Variants in FBL observed in about 807,000 individuals in gnomAD.
The protein encoded by FBL is rRNA 2'-O-methyltransferase fibrillarin.
FBL carries 10 observed loss-of-function variants against 42.2 expected under a neutral mutation model. The ratio of observed to expected loss-of-function variants is 0.24; its 90% CI spans 0.15 to 0.40. FBL has a LOEUF of 0.40. Ranked by LOEUF, FBL falls within the 10% of genes least tolerant of loss-of-function variation. The pLI is 1.00. For missense variants in FBL, 351 were observed against 439.2 expected (o/e 0.80, Z 1.79); for synonymous variants, 165 against 165.4 (o/e 1.00, Z 0.02).
rs145574524 is a variant in FBL at position 39,839,210 on chromosome 19, A to G, written c.379-5T>C. On this transcript the variant is annotated splice_polypyrimidine_tract_variant and splice_region_variant and intron_variant, in intron 4 of 8. Transcript: ENST00000221801. Reference sequence around the variant, plus strand: ...CTCAATTTTGTCATCTCCTTCCTAGATGAGAGATGGGGACAGAAGTCAGTG... The same window carrying G: ...CTCAATTTTGTCATCTCCTTCCTAGGTGAGAGATGGGGACAGAAGTCAGTG... 8.1e-6 allele frequency: 13 copies of G among 1,607,154 alleles called. No homozygotes were observed. In the African/African-American group the frequency reaches 1.3e-4, roughly 17 times the overall value.
chr19:39,840,435 C>A lies in FBL; in HGVS notation c.262G>T (p.Val88Leu), dbSNP rs770488310. 2.5e-6 allele frequency: 4 copies of A among 1,614,034 alleles called. No homozygotes were observed. Among genetic ancestry groups the A allele is most frequent in the Non-Finnish European group, 2.5e-6 (3 of 1,180,024 alleles). The stretch of plus-strand genomic sequence containing the variant: ...TCACCCTCATGCCGATGCGGCTCCA[C>A]CATCACATTCTTCCCCGACTGGTTT... ...RGNQSGKNVM[V>L]EPHRHEGVFI... Residue 88 changes from valine (V) to leucine (L), a missense_variant, in exon 3 of 9, where the codon GTG (valine) becomes TTG (leucine). Val to Leu is a conservative substitution (Grantham distance 32). Transcript: ENST00000221801. This position sits in a 1 kb window ranked among gnomAD's most constrained non-coding sequence, Gnocchi z 4.5.
intron 1 of FBL, among the ~76,000 whole-genome samples, chr19:39,845,883 G>A (rs567731103): frequency 1.3e-5 from 2 of 152,192 alleles, no homozygotes; most frequent in African/African-American, 4.8e-5. Flanking sequence ...CACAGCTCCA[G>A]GACCCAAGGT....
intron 7 of FBL, among the ~76,000 whole-genome samples, chr19:39,835,321 C>T (rs1267368677): frequency 6.6e-6 from 1 of 151,964 alleles, no homozygotes; most frequent in Non-Finnish European, 1.5e-5. Flanking sequence ...GAGATTGAGA[C>T]CATCCTGGCC....
At chr19:39,836,022 T>TGCAAAATTTAGTGCAAA (rs1969040240) in intron 7 of FBL, among the ~76,000 whole-genome samples, 1 of 152,210 alleles carries the variant, frequency 6.6e-6, no homozygotes, top group African/African-American at 2.4e-5. Flanking sequence ...TTAAATTTTA[T>TGCAAAATTTAGTGCAAA]ACCCAGGAAT....
At chr19:39,839,602 A>G (rs1168996535) in intron 4 of FBL, among the ~76,000 whole-genome samples, 1 of 152,110 alleles carries the variant, frequency 6.6e-6, no homozygotes, top group Non-Finnish European at 1.5e-5. Flanking sequence ...AGAGAAGACA[A>G]AGCCAGGAGA....
In FBL at chr19:39,837,767, T is replaced by G. The variant is rs1404053046; in HGVS notation, c.626A>C (p.Asn209Thr). The G allele has an allele frequency of 6.2e-7, 1 of 1,606,166 alleles. No individual in the cohort carries two copies. Among genetic ancestry groups the G allele is most frequent in the Non-Finnish European group, 8.5e-7 (1 of 1,176,736 alleles). The change falls in exon 6 of 9, where the codon AAC (asparagine) becomes ACC (threonine). Residue 209 changes from asparagine to threonine, a missense_variant. By Grantham distance (65) the Asn-to-Thr change is moderately conservative (BLOSUM62 0). Coordinates refer to ENST00000221801, the MANE Select transcript of FBL (RefSeq NM_001436.4). ...AGCATCCTCGATCACAGGAATGATG[T>G]TGGTCCTCTTCTTGGCCAAGTTAAT... is the stretch of plus-strand genomic sequence containing the variant. ...DLINLAKKRT[N>T]IIPVIEDARH... is the part of the protein sequence containing the mutation.
chr19:39,841,478 G>A (rs1266622259), intron 1 of FBL, among the ~76,000 whole-genome samples: 1 of 152,210 alleles, frequency 6.6e-6, no homozygotes, highest in Non-Finnish European at 1.5e-5. Flanking sequence ...AATAGATGTA[G>A]GTTACTGTTA....
chr19:39,844,477 G>A (rs1164712746), intron 1 of FBL, among the ~76,000 whole-genome samples: 2 of 147,030 alleles, frequency 1.4e-5, no homozygotes, highest in African/African-American at 5.0e-5. Context: ...TTTTTGGGGG[G>A]AGGGGGGTCC....
intron 1 of FBL, among the ~76,000 whole-genome samples, chr19:39,842,606 A>G (rs1186360026): frequency 1.3e-5 from 2 of 152,148 alleles, no homozygotes; most frequent in Admixed American, 1.3e-4. Flanking sequence ...CAGCTAATAC[A>G]TGCTATTTTT....
chr19:39,840,855 A>G lies in FBL; in HGVS notation c.11-68T>C. On this transcript the variant is annotated intron_variant, in intron 1 of 8. Transcript: ENST00000221801. This position sits in a 1 kb window ranked among gnomAD's most constrained non-coding sequence, Gnocchi z 4.5. ...AAGGTTAAACCACCTTGTACCCAGC[A>G]ATACCTCTCAGGTGAGAAACCTGAA... 2.8e-6 allele frequency: 4 copies of G among 1,406,002 alleles called. No homozygotes were observed. The highest frequency in any genetic ancestry group is 3.8e-6 in the Non-Finnish European group (4 of 1,056,104). 87.1% of individuals were successfully genotyped at this position (1,406,002 alleles called of 1,614,324 possible). A position where few individuals can be genotyped will look rare whatever the true frequency, so the allele number is the denominator to read the frequency against.
intron 5 of FBL, 112 bp downstream of exon 5, chr19:39,838,923 G>C (rs1969103436): frequency 1.1e-6 from 1 of 922,026 alleles, no homozygotes; most frequent in Non-Finnish European, 1.7e-6. Context: ...TGACAGAAAA[G>C]GGCCTGGCCC....
In FBL at chr19:39,839,018, T is replaced by A; in HGVS notation, c.549+17A>T. 6.2e-7 allele frequency: 1 copy of A among 1,601,128 alleles called. No individual in the cohort carries two copies. Among genetic ancestry groups the A allele is most frequent in the Admixed American group, 1.7e-5 (1 of 58,102 alleles). On this transcript the variant is annotated intron_variant, in intron 5 of 8. Coordinates refer to ENST00000221801, the MANE Select transcript of FBL (RefSeq NM_001436.4). ...GCAGCCTTTACCTCCTGCCTGACTC[T>A]CCATCTACTCACTCACCGGACCAAC...
chr19:39,840,678 A>G lies in FBL; in HGVS notation c.120T>C (p.Phe40=), dbSNP rs1345823875. The G allele has an allele frequency of 3.0e-5, 48 of 1,603,436 alleles. No individual in the cohort carries two copies. Among genetic ancestry groups the G allele is most frequent in the Non-Finnish European group, 4.0e-5 (47 of 1,175,188 alleles). ...CACCTCCTCCTCGTCCACGACCTCTAAAGCCTCCGCCTCGACCTCGGCCCC... is the reference window on the plus strand; with the variant it reads ...CACCTCCTCCTCGTCCACGACCTCTGAAGCCTCCGCCTCGACCTCGGCCCC... ...FGGGRGRGGG[F]RGRGRGGGGG... is the part of the protein sequence containing the mutation. Residue 40 remains phenylalanine, a synonymous_variant, in exon 2 of 9, where the codon TTT becomes TTC. Transcript: ENST00000221801. The surrounding 1 kb of genome is among the most constrained non-coding windows in gnomAD (Gnocchi z 4.5).
At chr19:39,845,111 C>T (rs1969235992) in intron 1 of FBL, among the ~76,000 whole-genome samples, 1 of 152,072 alleles carries the variant, frequency 6.6e-6, no homozygotes, top group Admixed American at 6.5e-5. Context: ...TGCCAGGTGA[C>T]CCCCATCTCT....
At chr19:39,837,945 A>C in intron 5 of FBL, 102 bp from the exon 6 acceptor site, 2 of 891,250 alleles carry the variant, frequency 2.2e-6, no homozygotes, top group Non-Finnish European at 3.4e-6. Context: ...CCAACCCCCA[A>C]ATCAAAACCC....
At chr19:39,839,275 G>A in intron 4 of FBL, 70 bp from the exon 5 acceptor site, 1 of 1,359,904 alleles carries the variant, frequency 7.4e-7, no homozygotes, top group Non-Finnish European at 1.0e-6. Context: ...TTAACCCTAG[G>A]AGCCTTGAAA....
In FBL at chr19:39,840,612, C is replaced by T. The variant is rs758014933; in HGVS notation, c.181+5G>A. 1.2e-6 allele frequency: 2 copies of T among 1,612,882 alleles called. No homozygotes were observed. Among genetic ancestry groups the T allele is most frequent in the Non-Finnish European group, 1.7e-6 (2 of 1,179,220 alleles). On this transcript the variant is annotated splice_donor_5th_base_variant and intron_variant, in intron 2 of 8. Coordinates refer to ENST00000221801, the MANE Select transcript of FBL (RefSeq NM_001436.4). This position sits in a 1 kb window ranked among gnomAD's most constrained non-coding sequence, Gnocchi z 4.5. ...GCCTCCTCTGTAACCCCTAGCCAAT[C>T]TTACCACCTCTTCCTCCTCCTCCAC...
chr19:39,845,936 C>T (rs2145070338), intron 1 of FBL, among the ~76,000 whole-genome samples: 1 of 152,318 alleles, frequency 6.6e-6, no homozygotes, highest in East Asian at 1.9e-4. Flanking sequence ...TCCCAAAACA[C>T]GCCCAGCGAT....
At chr19:39,836,791 C>T in intron 6 of FBL, 123 bp from the exon 7 acceptor site, 2 of 642,590 alleles carry the variant, frequency 3.1e-6, no homozygotes, top group Non-Finnish European at 5.4e-6. Flanking sequence ...AGTTTCACTC[C>T]CCACCTCCAC....
Sources: allele counts gnomAD v4.1 joint callset (sites outside exome capture counted in the v4.1 genomes callset), GRCh38; gene constraint gnomAD v4.1.1; non-coding constraint Gnocchi (gnomAD v3.1); transcripts MANE v1.5; gene names NCBI Gene and HGNC (gene_info 2026-07-23, HGNC 2026-07-21).